CDK17: variants seen among roughly 807,000 people sequenced by gnomAD.
CDK17 encodes cyclin-dependent kinase 17.
In CDK17, 24 loss-of-function variants were observed where a neutral mutation model predicts 77.6. The observed-to-expected ratio is 0.31, with a 90% CI of 0.22 to 0.44. The LOEUF (loss-of-function observed/expected upper bound fraction) is 0.44, where lower values mean the gene tolerates loss of function less well. Among genes scored for constraint, CDK17 ranks in the 20% least tolerant of loss-of-function variants. The pLI is 1.00. For missense variants in CDK17, 429 were observed against 622.5 expected, an observed-to-expected ratio of 0.69 and a Z score of 3.31; for synonymous variants, 203 against 210.4, an observed-to-expected ratio of 0.96 and a Z score of 0.30.
At chr12:96,390,058 G>T (rs1014957599) in intron 1 of CDK17, among the ~76,000 whole-genome samples, 1 of 151,840 alleles carries the variant, frequency 6.6e-6, no homozygotes, top group African/African-American at 2.4e-5. Context: ...TTGATATCCT[G>T]ACCTCATAAT....
chr12:96,399,219 C>T (rs1954218708), intron 1 of CDK17: 3 of 152,336 alleles, frequency 2.0e-5, no homozygotes, highest in Non-Finnish European at 4.4e-5. Flanking sequence ...GGAGCAAAAG[C>T]ATCGGGCATA....
chr12:96,301,241 C>CAAAAAAA (rs376295045), intron 5 of CDK17, among the ~76,000 whole-genome samples: 14 of 85,532 alleles, frequency 1.6e-4, no homozygotes, highest in African/African-American at 6.2e-4. Context: ...AACACTCGGC[C>CAAAAAAA]AAAAAAAAAA....
At chr12:96,371,664 G>A (rs1367080361) in intron 1 of CDK17, among the ~76,000 whole-genome samples, 1 of 151,996 alleles carries the variant, frequency 6.6e-6, no homozygotes, top group Admixed American at 6.6e-5. Context: ...CCCAGGGGGC[G>A]GAGACTGTGG....
At chr12:96,315,294 G>C (rs557968376) in intron 3 of CDK17, among the ~76,000 whole-genome samples, 49 of 152,268 alleles carry the variant, frequency 3.2e-4, no homozygotes, top group Admixed American at 1.2e-3. Flanking sequence ...CTCACTTTAT[G>C]TCTGTATTTT....
At chr12:96,296,905 T>C (rs1952414401) in intron 9 of CDK17, among the ~76,000 whole-genome samples, 1 of 152,204 alleles carries the variant, frequency 6.6e-6, no homozygotes, top group Non-Finnish European at 1.5e-5. Flanking sequence ...TTAAATACCA[T>C]TTATTTGGGG....
At chr12:96,368,477 A>T (rs1343311550) in intron 1 of CDK17, among the ~76,000 whole-genome samples, 1 of 152,152 alleles carries the variant, frequency 6.6e-6, no homozygotes, top group East Asian at 1.9e-4. Context: ...CTGGCCAGTC[A>T]GCTGCTCCAG....
At chr12:96,320,268 T>C (rs1237987170) in intron 3 of CDK17, among the ~76,000 whole-genome samples, 2 of 142,286 alleles carry the variant, frequency 1.4e-5, no homozygotes, top group Non-Finnish European at 3.1e-5. Context: ...AAGGACCTCT[T>C]CAAGGAGAAC....
intron 1 of CDK17, among the ~76,000 whole-genome samples, chr12:96,343,938 G>A (rs1953160507): frequency 1.3e-5 from 2 of 152,126 alleles, no homozygotes; most frequent in Admixed American, 1.3e-4. Context: ...TATACTCAAA[G>A]AGCTGAAGGA....
intron 14 of CDK17, among the ~76,000 whole-genome samples, 156 bp from the exon 15 acceptor site, chr12:96,282,755 T>C (rs1952193507): frequency 6.6e-6 from 1 of 152,256 alleles, no homozygotes; most frequent in Non-Finnish European, 1.5e-5. Context: ...ACTCCAGTTA[T>C]ACTCTAATTT....
chr12:96,379,102 G>A (rs186218363), intron 1 of CDK17, among the ~76,000 whole-genome samples: 13 of 152,294 alleles, frequency 8.5e-5, no homozygotes, highest in South Asian at 2.1e-4. Flanking sequence ...CTATGAGACA[G>A]AGTAGCTCAA....
At chr12:96,386,718 G>A (rs1953982294) in intron 1 of CDK17, 1 of 152,404 alleles carries the variant, frequency 6.6e-6, no homozygotes, top group East Asian at 1.9e-4. Flanking sequence ...ACTGCATAAT[G>A]GTAAATTTTT....
chr12:96,311,945 G>GA (rs1211457639), intron 4 of CDK17, among the ~76,000 whole-genome samples: 8 of 151,988 alleles, frequency 5.3e-5, no homozygotes, highest in Non-Finnish European at 1.2e-4. Flanking sequence ...AGAATAAACA[G>GA]AAAAAATCCA....
intron 1 of CDK17, among the ~76,000 whole-genome samples, chr12:96,347,624 AAG>A (rs1953239504): frequency 7.4e-5 from 1 of 13,476 alleles, no homozygotes; most frequent in African/African-American, 2.2e-4. Flanking sequence ...AAGGGAGGGG[AAG>A]GGAGGGGAGG....
intron 1 of CDK17, among the ~76,000 whole-genome samples, chr12:96,356,705 G>C (rs1953399882): frequency 6.6e-6 from 1 of 152,148 alleles, no homozygotes; most frequent in African/African-American, 2.4e-5. Flanking sequence ...AAAATAACCA[G>C]TAGCTGAGAA....
intron 1 of CDK17, among the ~76,000 whole-genome samples, chr12:96,365,878 TAA>T (rs969875024): frequency 1.3e-5 from 2 of 152,022 alleles, no homozygotes; most frequent in African/African-American, 4.8e-5. Context: ...CTGTCTCAAT[TAA>T]AAAAAAGTTT....
At chr12:96,363,279 C>T (rs919049336) in intron 1 of CDK17, among the ~76,000 whole-genome samples, 3 of 151,062 alleles carry the variant, frequency 2.0e-5, no homozygotes, top group East Asian at 2.0e-4. Context: ...GGTGAAACCC[C>T]GTCTCTACTA....
intron 1 of CDK17, among the ~76,000 whole-genome samples, chr12:96,363,449 CAAAAAAA>C (rs34143645): frequency 2.7e-5 from 3 of 110,824 alleles, no homozygotes; most frequent in Admixed American, 9.4e-5. Flanking sequence ...GACTTCGTCT[CAAAAAAA>C]AAAAAAAAAA....
intron 1 of CDK17, among the ~76,000 whole-genome samples, chr12:96,388,199 A>G (rs1954008401): frequency 6.6e-6 from 1 of 152,246 alleles, no homozygotes; most frequent in African/African-American, 2.4e-5. Flanking sequence ...GATGTCAAGT[A>G]AATGATAAAG....
intron 1 of CDK17, among the ~76,000 whole-genome samples, chr12:96,342,910 C>T (rs1953142948): frequency 6.6e-6 from 1 of 151,758 alleles, no homozygotes; most frequent in African/African-American, 2.4e-5. Context: ...TGCAGTGAGC[C>T]AAGATTGTGC....
Sources: gnomAD v4.1 joint callset for allele counts (sites outside exome capture counted in the v4.1 genomes callset) on GRCh38, gnomAD v4.1.1 for gene constraint, MANE v1.5 for transcripts, NCBI Gene and HGNC (gene_info 2026-07-23, HGNC 2026-07-21) for gene names.